Variants in CFAP20DC observed in about 807,000 individuals in gnomAD.
CFAP20DC encodes the protein protein CFAP20DC.
A neutral mutation model predicts 101.7 loss-of-function variants in CFAP20DC; 84 were observed. That is an observed-to-expected ratio of 0.83 (90% CI 0.69 to 0.99). CFAP20DC has a LOEUF of 0.99. Among genes scored for constraint, CFAP20DC ranks in the 50% least tolerant of loss-of-function variants. The pLI, the probability that CFAP20DC is intolerant of heterozygous loss-of-function variation, is 0.00. For synonymous variants in CFAP20DC, 359 were observed against 351.2 expected (o/e 1.02, Z -0.25); for missense variants, 1,007 against 970.3 (o/e 1.04, Z -0.50).
intron 5 of CFAP20DC, among the ~76,000 whole-genome samples, chr3:58,931,067 G>T (rs1344683149): frequency 6.6e-6 from 1 of 152,156 alleles, no homozygotes; most frequent in South Asian, 2.1e-4. Context: ...ACTCCCACCC[G>T]AATACTGCGC....
intron 4 of CFAP20DC, among the ~76,000 whole-genome samples, chr3:58,943,138 G>A (rs1482339961): frequency 6.6e-6 from 1 of 152,224 alleles, no homozygotes; most frequent in African/African-American, 2.4e-5. Context: ...AGTGGTGGCT[G>A]TGGGTGCAGC....
chr3:59,044,908 C>T lies in CFAP20DC; in HGVS notation c.205+1321G>A, dbSNP rs148939400. On this transcript the variant is annotated intron_variant, in intron 3 of 16. Coordinates refer to ENST00000482387, the MANE Select transcript of CFAP20DC (RefSeq NM_001394063.1). ...AAGAAGATGAAACCACAGTTTCAGA[C>T]AGGTTTCCCTGGATCATCTTAGTTC... 4.4e-3 allele frequency among the ~76,000 whole-genome samples: 662 copies of T among 151,980 alleles called. 4 individuals carry two copies. Among genetic ancestry groups the T allele is most frequent in the African/African-American group, 0.014 (567 of 41,502 alleles).
chr3:58,801,796 G>GTGTGTT (rs2073728928), intron 15 of CFAP20DC, among the ~76,000 whole-genome samples: 1 of 152,194 alleles, frequency 6.6e-6, no homozygotes, highest in Non-Finnish European at 1.5e-5. Context: ...ATGGTTATAA[G>GTGTGTT]TGTGTTTATC....
At chr3:58,747,655 C>T (rs2068299146) in intron 16 of CFAP20DC, among the ~76,000 whole-genome samples, 1 of 152,080 alleles carries the variant, frequency 6.6e-6, no homozygotes, top group African/African-American at 2.4e-5. Flanking sequence ...ATTGTTTAAG[C>T]AGTTCAACAG....
Position 58,869,610 on chromosome 3 carries a change from G to A in CFAP20DC, c.853-120C>T. 3 of 695,730 alleles carry A rather than the reference G, an allele frequency of 4.3e-6. No homozygotes were observed. The highest frequency in any genetic ancestry group is 6.6e-6 in the Non-Finnish European group (3 of 453,332). 43.1% of individuals were successfully genotyped at this position (695,730 alleles called of 1,614,324 possible). On this transcript the variant is annotated intron_variant, in intron 8 of 16. Transcript: ENST00000482387. The surrounding 1 kb of genome is among the most constrained non-coding windows in gnomAD (Gnocchi z 4.3). ...GAGTGAGAAAAAAACTAGAGGAAATGAGGTTAAGATGTGAAGAAAAAGGAA... is the reference window on the plus strand; with the variant it reads ...GAGTGAGAAAAAAACTAGAGGAAATAAGGTTAAGATGTGAAGAAAAAGGAA...
At chr3:58,951,177 C>G (rs1280810288) in intron 4 of CFAP20DC, among the ~76,000 whole-genome samples, 1 of 152,154 alleles carries the variant, frequency 6.6e-6, no homozygotes, top group African/African-American at 2.4e-5. Context: ...CACTGGCCAT[C>G]AGAGAAATGC....
At chr3:58,917,769 A>G (rs912442178) in intron 5 of CFAP20DC, among the ~76,000 whole-genome samples, 1 of 152,188 alleles carries the variant, frequency 6.6e-6, no homozygotes, top group Non-Finnish European at 1.5e-5. Context: ...CAAGGTTAGA[A>G]GAAGCAATTA....
chr3:59,047,360 G>A, intron 1 of CFAP20DC, 106 bp from the exon 2 acceptor site: 1 of 695,192 alleles, frequency 1.4e-6, no homozygotes. Context: ...AAGCTGATCT[G>A]GGATGAAACA....
chr3:58,849,089 G>A lies in CFAP20DC; in HGVS notation c.1914C>T (p.Asn638=). ...LSAQQVPASL[N]KTSLKEISGE... is the part of the protein sequence containing the mutation. ...CTGAGATTTCTTTCAGGGAGGTTTT[G>A]TTTAGTGAAGCTGGCACTTGCTGGG... Residue 638 remains asparagine, a synonymous_variant, in exon 13 of 17, where the codon AAC becomes AAT. Transcript: ENST00000482387. 1 of 1,536,064 alleles carries A rather than the reference G, an allele frequency of 6.5e-7. No individual in the cohort carries two copies. Among genetic ancestry groups the A allele is most frequent in the South Asian group, 1.2e-5 (1 of 84,048 alleles).
chr3:58,848,308 A>C (rs1471480172), intron 13 of CFAP20DC, among the ~76,000 whole-genome samples: 1 of 152,196 alleles, frequency 6.6e-6, no homozygotes, highest in Non-Finnish European at 1.5e-5. Context: ...TAACTTGCTT[A>C]GAACATACTT....
intron 15 of CFAP20DC, among the ~76,000 whole-genome samples, chr3:58,796,041 G>A (rs1176911043): frequency 6.6e-6 from 1 of 152,178 alleles, no homozygotes; most frequent in African/African-American, 2.4e-5. Context: ...GGGCAGGGGT[G>A]GGGACCAAGA....
chr3:58,754,095 A>G (rs563000533), intron 15 of CFAP20DC, among the ~76,000 whole-genome samples: 12 of 152,290 alleles, frequency 7.9e-5, no homozygotes, highest in Middle Eastern at 3.4e-3. Flanking sequence ...TGAATATTCC[A>G]CTCAAAAGTT....
In CFAP20DC at chr3:59,046,294, A is replaced by G. The variant is rs1201983607; in HGVS notation, c.140T>C (p.Val47Ala). The G allele has an allele frequency of 9.8e-6, 15 of 1,531,076 alleles. 1 individual carries two copies. The Admixed American group carries it at 2.6e-4, about 26-fold the overall frequency. 94.8% of individuals were successfully genotyped at this position (1,531,076 alleles called of 1,614,324 possible). ...TTGGCTGCTGCCTTCCAGGACAAAC[A>G]CAAAACTTTTAACTTCTTTATCAAA... ...KEFDKEVKSF[V>A]FVLEGSSQTN... Residue 47 changes from valine (V) to alanine (A), a missense_variant, in exon 3 of 17, where the codon GTG (valine) becomes GCG (alanine). By Grantham distance (64) the Val-to-Ala change is moderately conservative (BLOSUM62 0). Coordinates refer to ENST00000482387, the MANE Select transcript of CFAP20DC (RefSeq NM_001394063.1).
intron 4 of CFAP20DC, among the ~76,000 whole-genome samples, chr3:59,022,886 C>T (rs949264684): frequency 1.3e-5 from 2 of 151,958 alleles, no homozygotes; most frequent in South Asian, 2.1e-4. Flanking sequence ...TTAGTATGGC[C>T]TTGAAAACAT....
At chr3:59,029,461 G>A (rs1217417493) in intron 4 of CFAP20DC, among the ~76,000 whole-genome samples, 1 of 152,104 alleles carries the variant, frequency 6.6e-6, no homozygotes, top group African/African-American at 2.4e-5. Flanking sequence ...CTGAAGAGGA[G>A]GAGTTAGCCA....
At position 58,861,531 on chromosome 3, in the gene CFAP20DC, A is replaced by G. The variant is rs2079247356; in HGVS notation, c.1593+2027T>C. 1 of 975,990 alleles carries G rather than the reference A, an allele frequency of 1.0e-6. No individual in the cohort carries two copies. Among genetic ancestry groups the G allele is most frequent in the African/African-American group, 1.7e-5 (1 of 57,146 alleles). 60.5% of individuals were successfully genotyped at this position (975,990 alleles called of 1,614,324 possible). On this transcript the variant is annotated intron_variant, in intron 12 of 16. Coordinates refer to ENST00000482387, the MANE Select transcript of CFAP20DC (RefSeq NM_001394063.1). The surrounding 1 kb of genome is among the most constrained non-coding windows in gnomAD (Gnocchi z 4.0). ...TATCCTACAGGAAAAGAAATTACCA[A>G]AAGTACAAAAGAAAAAATCCAATTT...
intron 14 of CFAP20DC, among the ~76,000 whole-genome samples, chr3:58,814,033 T>G (rs1029116667): frequency 3.3e-5 from 5 of 151,842 alleles, no homozygotes; most frequent in Admixed American, 6.6e-5. Flanking sequence ...GGTATAGAAA[T>G]ACTCCCAATA....
intron 7 of CFAP20DC, among the ~76,000 whole-genome samples, chr3:58,879,891 A>T (rs185526824): frequency 6.6e-6 from 1 of 152,222 alleles, no homozygotes; most frequent in African/African-American, 2.4e-5. Flanking sequence ...TAAACCATAA[A>T]CTAAAAAGTT....
intron 4 of CFAP20DC, among the ~76,000 whole-genome samples, chr3:59,038,010 G>A (rs1206382105): frequency 6.6e-6 from 1 of 152,050 alleles, no homozygotes; most frequent in African/African-American, 2.4e-5. Flanking sequence ...ATCACTCTCA[G>A]TAAACTAACA....
Sources: gnomAD v4.1 joint callset for allele counts (sites outside exome capture counted in the v4.1 genomes callset) on GRCh38, gnomAD v4.1.1 for gene constraint, Gnocchi (gnomAD v3.1) non-coding constraint, MANE v1.5 for transcripts, NCBI Gene and HGNC (gene_info 2026-07-23, HGNC 2026-07-21) for gene names.